Variants in MAD1L1 observed in about 807,000 individuals in gnomAD.
MAD1L1 encodes the protein mitotic arrest deficient 1 like 1, also known as mitotic spindle assembly checkpoint protein MAD1.
A neutral mutation model predicts 96.9 loss-of-function variants in MAD1L1; 95 were observed. That is an observed-to-expected ratio of 0.98 (90% CI 0.83 to 1.16). MAD1L1 has a LOEUF of 1.16. Ranked by LOEUF, MAD1L1 falls within the 50% of genes most tolerant of loss-of-function variation. The pLI is 0.00. For missense variants in MAD1L1, 1,007 were observed against 954.4 expected, an observed-to-expected ratio of 1.06 and a Z score of -0.73; for synonymous variants, 473 against 396.6, an observed-to-expected ratio of 1.19 and a Z score of -2.29.
intron 15 of MAD1L1, among the ~76,000 whole-genome samples, chr7:1,976,117 G>C (rs577983566): frequency 1.3e-5 from 2 of 152,186 alleles, no homozygotes; most frequent in African/African-American, 4.8e-5. Context: ...ACAAATAAAT[G>C]GATGTGAAAA....
chr7:2,054,313 G>A (rs1394411885), intron 12 of MAD1L1, among the ~76,000 whole-genome samples: 1 of 152,244 alleles, frequency 6.6e-6, no homozygotes, highest in East Asian at 1.9e-4. Flanking sequence ...GCGGTCGGGC[G>A]CACGTGGAGG....
At chr7:1,941,948 G>A (rs1779021348) in intron 16 of MAD1L1, among the ~76,000 whole-genome samples, 2 of 152,190 alleles carry the variant, frequency 1.3e-5, no homozygotes, top group Admixed American at 1.3e-4. Context: ...GACTTTCCCT[G>A]CCTAACGCCT....
chr7:2,216,393 A>G, intron 7 of MAD1L1, 106 bp from the exon 8 acceptor site: 1 of 1,142,830 alleles, frequency 8.8e-7, no homozygotes, highest in Non-Finnish European at 1.2e-6. Context: ...TGCAACGGCT[A>G]TACACACTGC....
At chr7:2,006,747 C>T (rs1782050547) in intron 13 of MAD1L1, among the ~76,000 whole-genome samples, 1 of 152,136 alleles carries the variant, frequency 6.6e-6, no homozygotes, top group Non-Finnish European at 1.5e-5. Flanking sequence ...TCCCGAGAGA[C>T]CCAAGACGAC....
At chr7:2,156,174 T>C (rs1235592876) in intron 10 of MAD1L1, among the ~76,000 whole-genome samples, 1 of 145,086 alleles carries the variant, frequency 6.9e-6, no homozygotes, top group Non-Finnish European at 1.5e-5. Flanking sequence ...GGCGCACGGT[T>C]TCACGGCGCG....
chr7:2,203,607 C>T (rs1387682985), intron 10 of MAD1L1, among the ~76,000 whole-genome samples: 2 of 152,208 alleles, frequency 1.3e-5, no homozygotes, highest in Admixed American at 6.5e-5. Context: ...AGTCTGAGTC[C>T]GTCTGCACTC....
intron 14 of MAD1L1, among the ~76,000 whole-genome samples, chr7:1,986,885 T>C (rs879369672): frequency 5.3e-5 from 8 of 152,080 alleles, no homozygotes; most frequent in Non-Finnish European, 1.2e-4. Flanking sequence ...GAGTAGCCAA[T>C]GCCTGCCCCC....
chr7:2,014,562 C>A lies in MAD1L1; in HGVS notation c.1299G>T (p.Arg433=). The change falls in exon 13 of 19, where the codon CGG becomes CGT. Residue 433 remains arginine (R), a synonymous_variant. Coordinates refer to ENST00000265854, the MANE Select transcript of MAD1L1 (RefSeq NM_001013836.2). The part of the protein sequence containing the change: ...TPAEYSPQLT[R]RMREAEDMVQ... ...CCATATCCTCAGCCTCCCGCATGCG[C>A]CGCGTCAGCTGGGGTGAGTACTCGG... The A allele has an allele frequency of 5.6e-6, 9 of 1,611,652 alleles. No individual in the cohort carries two copies. The highest frequency in any genetic ancestry group is 7.6e-6 in the Non-Finnish European group (9 of 1,179,762).
intron 12 of MAD1L1, among the ~76,000 whole-genome samples, chr7:2,040,244 A>G (rs1310088689): frequency 6.6e-6 from 1 of 152,202 alleles, no homozygotes. Flanking sequence ...CCCACAGAAC[A>G]GCAAAGACAC....
At chr7:1,816,457 A>C (rs1317104949) in intron 18 of MAD1L1, among the ~76,000 whole-genome samples, 1 of 152,140 alleles carries the variant, frequency 6.6e-6, no homozygotes, top group African/African-American at 2.4e-5. Context: ...CTACCCAGGC[A>C]GTTGGGGGTC....
intron 10 of MAD1L1, among the ~76,000 whole-genome samples, chr7:2,162,000 G>A (rs1472353811): frequency 6.7e-6 from 1 of 149,216 alleles, no homozygotes; most frequent in African/African-American, 2.5e-5. Context: ...CATCCGGGAG[G>A]TGGGGGGCGG....
chr7:1,974,343 A>G (rs1271490327), intron 15 of MAD1L1, among the ~76,000 whole-genome samples: 1 of 152,256 alleles, frequency 6.6e-6, no homozygotes, highest in Non-Finnish European at 1.5e-5. Flanking sequence ...TCATCCAGAA[A>G]GAAAAGAGTA....
At chr7:2,215,759 C>G (rs1250397008) in intron 9 of MAD1L1, 126 bp downstream of exon 9, 4 of 838,984 alleles carry the variant, frequency 4.8e-6, no homozygotes, top group Middle Eastern at 2.4e-4. Context: ...ACGATTCTGC[C>G]TCCCACCCCA....
chr7:2,064,532 G>C (rs768239348), intron 12 of MAD1L1, among the ~76,000 whole-genome samples: 1 of 152,212 alleles, frequency 6.6e-6, no homozygotes, highest in Non-Finnish European at 1.5e-5. Flanking sequence ...CAGCTTCTCC[G>C]AAGAGGACAG....
intron 10 of MAD1L1, among the ~76,000 whole-genome samples, chr7:2,189,176 A>C (rs768925481): frequency 3.9e-5 from 6 of 152,240 alleles, no homozygotes; most frequent in Non-Finnish European, 8.8e-5. Context: ...AAATCACATC[A>C]CATGGTGATG....
intron 18 of MAD1L1, among the ~76,000 whole-genome samples, chr7:1,896,268 G>GGCCAGCCCAA (rs1786863255): frequency 6.6e-6 from 1 of 152,252 alleles, no homozygotes; most frequent in African/African-American, 2.4e-5. Context: ...GGCAAGCTGA[G>GGCCAGCCCAA]GCCAGCCCAA....
chr7:2,200,918 C>T (rs1481201820), intron 10 of MAD1L1, among the ~76,000 whole-genome samples: 1 of 146,928 alleles, frequency 6.8e-6, no homozygotes, highest in Admixed American at 6.7e-5. Flanking sequence ...GCCGAGTGAC[C>T]GTGGGTTCCA....
At chr7:2,176,283 GGT>G (rs1562755893) in intron 10 of MAD1L1, among the ~76,000 whole-genome samples, 4 of 152,178 alleles carry the variant, frequency 2.6e-5, no homozygotes, top group Non-Finnish European at 5.9e-5. Context: ...GGGAGGCAGA[GGT>G]TTCAGTGAAC....
At chr7:1,898,688 C>G (rs529969650) in intron 17 of MAD1L1, among the ~76,000 whole-genome samples, 1 of 152,234 alleles carries the variant, frequency 6.6e-6, no homozygotes, top group Non-Finnish European at 1.5e-5. Flanking sequence ...CAGGGATCAG[C>G]CCTCGGCCTG....
Sources: allele counts gnomAD v4.1 joint callset (sites outside exome capture counted in the v4.1 genomes callset), GRCh38; gene constraint gnomAD v4.1.1; transcripts MANE v1.5; gene names NCBI Gene and HGNC (gene_info 2026-07-23, HGNC 2026-07-21).